Variants in RBMS3 observed in about 807,000 individuals in gnomAD.
RBMS3 encodes RNA binding motif single stranded interacting protein 3, also known as RNA-binding motif, single-stranded-interacting protein 3.
In RBMS3, 27 loss-of-function variants were observed where a neutral mutation model predicts 66.8. That is an observed-to-expected ratio of 0.40 (90% CI 0.30 to 0.56). The LOEUF (loss-of-function observed/expected upper bound fraction) is 0.56. Among genes scored for constraint, RBMS3 ranks in the 20% least tolerant of loss-of-function variants. The probability of loss-of-function intolerance (pLI) is 0.40; values close to 1 mark genes in which losing one functional copy is unlikely to be tolerated. For missense variants in RBMS3, 513 were observed against 549.5 expected (o/e 0.93, Z 0.66); for synonymous variants, 188 against 183.0 (o/e 1.03, Z -0.22).
chr3:29,656,751 T>C (rs141840416), intron 4 of RBMS3, among the ~76,000 whole-genome samples: 1 of 152,068 alleles, frequency 6.6e-6, no homozygotes, highest in Admixed American at 6.6e-5. Flanking sequence ...CCCATAACCG[T>C]TTTTTATGCT....
intron 3 of RBMS3, among the ~76,000 whole-genome samples, chr3:29,514,955 C>T (rs756901640): frequency 3.9e-5 from 6 of 151,978 alleles, no homozygotes; most frequent in Non-Finnish European, 7.4e-5. Context: ...TAGATGTCAA[C>T]GTTACCAGCA....
Position 29,979,796 on chromosome 3 carries a change from T to C in RBMS3, c.1099-8347T>C, listed in dbSNP as rs182430514. On this transcript the variant is annotated intron_variant, in intron 12 of 14. Transcript: ENST00000383767. ...CTTTTTATGGCTGCATAGTATTCCA[T>C]GGTGTATATGTGCCACATTTTCTTT... is the stretch of plus-strand genomic sequence containing the variant. Among the ~76,000 whole-genome samples, 968 of 152,346 alleles carry C rather than the reference T, an allele frequency of 6.4e-3. 8 individuals carry two copies. Among genetic ancestry groups the C allele is most frequent in the Non-Finnish European group, 7.3e-3 (500 of 68,032 alleles).
chr3:29,605,400 C>T (rs28521839), intron 4 of RBMS3, among the ~76,000 whole-genome samples: 22,235 of 151,664 alleles, frequency 0.15, 1,881 homozygotes, highest in East Asian at 0.32. Flanking sequence ...TATGGAAATT[C>T]CTTTGAGTTT....
At chr3:29,843,436 G>A (rs900936221) in intron 6 of RBMS3, among the ~76,000 whole-genome samples, 2 of 152,096 alleles carry the variant, frequency 1.3e-5, no homozygotes, top group South Asian at 2.1e-4. Flanking sequence ...TTAAAACATC[G>A]ACACTATTGA....
chr3:29,846,067 A>T (rs2058767735), intron 6 of RBMS3, among the ~76,000 whole-genome samples: 1 of 151,420 alleles, frequency 6.6e-6, no homozygotes, highest in African/African-American at 2.4e-5. Context: ...CTATGAAAAA[A>T]AGTTTGATTT....
chr3:29,775,425 A>G (rs1006690679), intron 6 of RBMS3, among the ~76,000 whole-genome samples: 1 of 151,962 alleles, frequency 6.6e-6, no homozygotes, highest in Non-Finnish European at 1.5e-5. Context: ...TGAATGTTGT[A>G]TTAAGACAAT....
rs76857439 is a variant in RBMS3 at position 29,441,763 on chromosome 3, G to C, written c.248+6848G>C. 1.7e-3 allele frequency among the ~76,000 whole-genome samples: 256 copies of C among 152,266 alleles called. 3 individuals are homozygous for C. Among genetic ancestry groups the C allele is most frequent in the Non-Finnish European group, 3.0e-3 (205 of 68,014 alleles). On this transcript the variant is annotated intron_variant, in intron 2 of 14. Coordinates refer to ENST00000383767, the MANE Select transcript of RBMS3 (RefSeq NM_001003793.3). ...TTTGGGATTTTTTAAAGCCTGCTCAGATAATTCTAGTATGTAGCAAAGATT... is the reference window on the plus strand; with the variant it reads ...TTTGGGATTTTTTAAAGCCTGCTCACATAATTCTAGTATGTAGCAAAGATT...
At chr3:29,841,371 G>GT (rs1222251763) in intron 6 of RBMS3, among the ~76,000 whole-genome samples, 1 of 151,762 alleles carries the variant, frequency 6.6e-6, no homozygotes, top group Admixed American at 6.6e-5. Flanking sequence ...TCTTTTCTAC[G>GT]TTTTTTATTA....
intron 1 of RBMS3, among the ~76,000 whole-genome samples, chr3:29,296,881 T>A (rs1355417248): frequency 6.7e-6 from 1 of 149,476 alleles, no homozygotes; most frequent in East Asian, 2.0e-4. Flanking sequence ...AAGATGACCT[T>A]TTTTTTTTTA....
At chr3:29,888,886 T>C (rs1173728172) in intron 8 of RBMS3, among the ~76,000 whole-genome samples, 2 of 151,722 alleles carry the variant, frequency 1.3e-5, no homozygotes, top group Non-Finnish European at 2.9e-5. Flanking sequence ...CCTTCCTCCG[T>C]GCCACTGGTT....
intron 4 of RBMS3, among the ~76,000 whole-genome samples, chr3:29,654,329 A>G (rs1178495495): frequency 2.6e-5 from 4 of 152,148 alleles, no homozygotes; most frequent in Non-Finnish European, 1.5e-5. Context: ...TTGGACTACA[A>G]ACTTGCATAT....
At chr3:29,643,061 A>C (rs373970188) in intron 4 of RBMS3, among the ~76,000 whole-genome samples, 1 of 152,114 alleles carries the variant, frequency 6.6e-6, no homozygotes, top group East Asian at 1.9e-4. Flanking sequence ...TCCATTGAAC[A>C]TTGTTCATGT....
At position 29,856,516 on chromosome 3, in the gene RBMS3, G is replaced by A. The variant is rs563642072; in HGVS notation, c.638-12342G>A. Among the ~76,000 whole-genome samples the A allele has an allele frequency of 5.9e-5, 9 of 152,246 alleles. No individual in the cohort carries two copies. The East Asian group carries it at 1.7e-3, about 29-fold the overall frequency. On this transcript the variant is annotated intron_variant, in intron 6 of 14. Coordinates refer to ENST00000383767, the MANE Select transcript of RBMS3 (RefSeq NM_001003793.3). ...AGTTTGGACGTTATCCGATAGGTGG[G>A]CATGTGGGTGATTAAAGTAAAATTT...
At chr3:29,560,909 G>A (rs2046527454) in intron 3 of RBMS3, among the ~76,000 whole-genome samples, 1 of 152,072 alleles carries the variant, frequency 6.6e-6, no homozygotes, top group African/African-American at 2.4e-5. Context: ...CCCTCTGAAA[G>A]GTCCCAGTGT....
chr3:29,314,138 A>G (rs2034540495), intron 1 of RBMS3, among the ~76,000 whole-genome samples: 2 of 151,518 alleles, frequency 1.3e-5, no homozygotes, highest in African/African-American at 4.8e-5. Flanking sequence ...ACTTTATGCA[A>G]CTCCCTAATC....
Position 29,848,016 on chromosome 3 carries a change from T to C in RBMS3, c.638-20842T>C, listed in dbSNP as rs187191835. 2.3e-3 allele frequency among the ~76,000 whole-genome samples: 347 copies of C among 152,326 alleles called. 1 individual carries two copies. Among genetic ancestry groups the C allele is most frequent in the Non-Finnish European group, 3.9e-3 (268 of 68,026 alleles). On this transcript the variant is annotated intron_variant, in intron 6 of 14. Coordinates refer to ENST00000383767, the MANE Select transcript of RBMS3 (RefSeq NM_001003793.3). ...TTCCCCTTTGTATTTTGTGTAGGGCTGGAACACTCATTCTCAATACAAAAT... is the reference window on the plus strand; with the variant it reads ...TTCCCCTTTGTATTTTGTGTAGGGCCGGAACACTCATTCTCAATACAAAAT...
intron 12 of RBMS3, among the ~76,000 whole-genome samples, chr3:29,967,189 G>A (rs757922042): frequency 3.9e-5 from 6 of 152,112 alleles, no homozygotes; most frequent in East Asian, 1.9e-4. Context: ...TGGTATTAGC[G>A]GGTGATGCTG....
chr3:29,646,778 G>C (rs930625279), intron 4 of RBMS3, among the ~76,000 whole-genome samples: 11 of 150,784 alleles, frequency 7.3e-5, no homozygotes, highest in Non-Finnish European at 1.3e-4. Context: ...AGGTGATAGA[G>C]GGAAAAAAGG....
At chr3:29,991,371 C>T in intron 14 of RBMS3, 162 bp downstream of exon 14, 1 of 1,182,120 alleles carries the variant, frequency 8.5e-7, no homozygotes, top group Non-Finnish European at 1.2e-6. Flanking sequence ...TTTGGGCTAA[C>T]TTTGGGTGGA....
Sources: allele counts gnomAD v4.1 joint callset (sites outside exome capture counted in the v4.1 genomes callset), GRCh38; gene constraint gnomAD v4.1.1; transcripts MANE v1.5; gene names NCBI Gene and HGNC (gene_info 2026-07-23, HGNC 2026-07-21).